Variants in TBC1D16 observed in about 807,000 individuals in gnomAD.
TBC1D16 encodes CTD-2529O21.1.
Under a neutral mutation model 74.7 loss-of-function variants are expected in TBC1D16, and 58 were observed. The ratio of observed to expected loss-of-function variants is 0.78; its 90% CI spans 0.63 to 0.97. The LOEUF (loss-of-function observed/expected upper bound fraction) is 0.97, where lower values mean the gene tolerates loss of function less well. TBC1D16 is among the 50% of genes least tolerant of loss of function. The pLI is 0.00. For synonymous variants in TBC1D16, 493 were observed against 474.7 expected, an observed-to-expected ratio of 1.04 and a Z score of -0.50; for missense variants, 1,014 against 1,079.5, an observed-to-expected ratio of 0.94 and a Z score of 0.85.
rs187929798 is a variant in TBC1D16 at position 80,002,377 on chromosome 17, G to A, written c.779+7783C>T. On this transcript the variant is annotated intron_variant, in intron 3 of 11. Coordinates refer to ENST00000310924, the MANE Select transcript of TBC1D16 (RefSeq NM_019020.4). ...TAAAGGCAGAAAGCACTTAGATGCC[G>A]TTTATTACTGCCTCGCACGCCCTGC... Among the ~76,000 whole-genome samples the A allele has an allele frequency of 3.4e-3, 524 of 152,366 alleles. 5 individuals carry two copies. Among genetic ancestry groups the A allele is most frequent in the African/African-American group, 0.012 (503 of 41,590 alleles).
Position 79,986,358 on chromosome 17 carries a change from C to T in TBC1D16, c.779+23802G>A, listed in dbSNP as rs539926362. ...AGGTGATCTCTGAGCACCTCTTAGA[C>T]AGAAGTCTGGGCAGACGCAAATGTG... is the stretch of plus-strand genomic sequence containing the variant. On this transcript the variant is annotated intron_variant, in intron 3 of 11. Coordinates refer to ENST00000310924, the MANE Select transcript of TBC1D16 (RefSeq NM_019020.4). The surrounding 1 kb of genome is among the most constrained non-coding windows in gnomAD (Gnocchi z 6.0). Among the ~76,000 whole-genome samples, 7 of 152,324 alleles carry T rather than the reference C, an allele frequency of 4.6e-5. No individual in the cohort carries two copies. In the South Asian group the frequency reaches 1.5e-3, roughly 32 times the overall value.
chr17:80,021,176 C>A (rs956113641), intron 1 of TBC1D16, among the ~76,000 whole-genome samples: 1 of 149,096 alleles, frequency 6.7e-6, no homozygotes, highest in Non-Finnish European at 1.5e-5. Flanking sequence ...CGCTTGAACT[C>A]AGGTGGTGGA....
At chr17:79,949,363 G>T (rs550833435) in intron 7 of TBC1D16, among the ~76,000 whole-genome samples, 1 of 152,326 alleles carries the variant, frequency 6.6e-6, no homozygotes, top group African/African-American at 2.4e-5. Context: ...CCCAGTCCCG[G>T]GTTAGCAGAT....
chr17:79,982,718 G>C (rs1334780505), intron 3 of TBC1D16, among the ~76,000 whole-genome samples: 2 of 151,718 alleles, frequency 1.3e-5, no homozygotes, highest in Non-Finnish European at 2.9e-5. Context: ...AATTAGCCGG[G>C]TGTAACGGCC....
intron 3 of TBC1D16, among the ~76,000 whole-genome samples, chr17:79,970,659 C>G (rs1568599006): frequency 6.6e-6 from 1 of 152,026 alleles, no homozygotes; most frequent in Non-Finnish European, 1.5e-5. Context: ...ATGGGGTGCT[C>G]TAAGGGAATG....
In TBC1D16 at chr17:79,981,863, C is replaced by A. The variant is rs923831263; in HGVS notation, c.779+28297G>T. Among the ~76,000 whole-genome samples, 1 of 152,256 alleles carries A rather than the reference C, an allele frequency of 6.6e-6. No individual in the cohort carries two copies. Among genetic ancestry groups the A allele is most frequent in the Non-Finnish European group, 1.5e-5 (1 of 68,046 alleles). On this transcript the variant is annotated intron_variant, in intron 3 of 11. Transcript: ENST00000310924. This position sits in a 1 kb window ranked among gnomAD's most constrained non-coding sequence, Gnocchi z 6.9. Reference sequence around the variant, plus strand: ...AACCTCAATCCCACTCCTCCAAGGGCGCGCCAGGGAACAGCAGGACGCGGC... The same window carrying A: ...AACCTCAATCCCACTCCTCCAAGGGAGCGCCAGGGAACAGCAGGACGCGGC...
In TBC1D16 at chr17:79,941,011, C is replaced by G; in HGVS notation, c.2152G>C (p.Gly718Arg). 1 of 1,608,144 alleles carries G rather than the reference C, an allele frequency of 6.2e-7. No homozygotes were observed. Among genetic ancestry groups the G allele is most frequent in the Non-Finnish European group, 8.5e-7 (1 of 1,178,096 alleles). Residue 718 changes from glycine to arginine, a missense_variant, in exon 12 of 12, where the codon GGC (glycine) becomes CGC (arginine). Physicochemically the swap from Gly to Arg is moderately radical, Grantham distance 125 (BLOSUM62 -2). Coordinates refer to ENST00000310924, the MANE Select transcript of TBC1D16 (RefSeq NM_019020.4). This position sits in a 1 kb window ranked among gnomAD's most constrained non-coding sequence, Gnocchi z 4.3. ...GTGCACTCCACCGCGGGCATGGAGCCGCTGTCCCACATGCCTGACCCGCAC... is the reference window on the plus strand; with the variant it reads ...GTGCACTCCACCGCGGGCATGGAGCGGCTGTCCCACATGCCTGACCCGCAC... ...KLCGSGMWDS[G>R]SMPAVECTGH...
At position 80,025,829 on chromosome 17, in the gene TBC1D16, G is replaced by A. The variant is rs1201062331; in HGVS notation, c.-63+9966C>T. ...CACACAGCAGGAACAGAGGTACAGA[G>A]AATGGCGTCCAGGCCTCCTTAAGGA... On this transcript the variant is annotated intron_variant, in intron 1 of 11. Coordinates refer to ENST00000310924, the MANE Select transcript of TBC1D16 (RefSeq NM_019020.4). 3 of 149,872 alleles carry A rather than the reference G, an allele frequency of 2.0e-5. 1 individual carries two copies. Among genetic ancestry groups the A allele is most frequent in the African/African-American group, 7.7e-5 (3 of 39,162 alleles). 9.3% of individuals were successfully genotyped at this position (149,872 alleles called of 1,614,324 possible).
rs546582882 is a variant in TBC1D16 at position 80,008,021 on chromosome 17, TAA to T, written c.779+2137_779+2138del. Among the ~76,000 whole-genome samples the T allele has an allele frequency of 3.6e-4, 46 of 127,864 alleles. No individual in the cohort carries two copies. Among genetic ancestry groups the T allele is most frequent in the Admixed American group, 7.9e-4 (10 of 12,682 alleles). 83.9% of individuals were successfully genotyped at this position (127,864 alleles called of 152,430 possible). On this transcript the variant is annotated intron_variant, in intron 3 of 11. Coordinates refer to ENST00000310924, the MANE Select transcript of TBC1D16 (RefSeq NM_019020.4). This position sits in a 1 kb window ranked among gnomAD's most constrained non-coding sequence, Gnocchi z 4.5. ...AATACATCCCCACCCTCAGTTGTGA[TAA>T]AAAAAAAAAAAAAGTGTCTCCTGGC...
At chr17:79,943,797 G>A (rs549967230) in intron 10 of TBC1D16, 335 of 1,269,626 alleles carry the variant, frequency 2.6e-4, no homozygotes, top group Middle Eastern at 9.8e-4. Flanking sequence ...GCCGGGCCAC[G>A]CGCTGAGTTC....
chr17:80,025,631 C>A (rs9916571), intron 1 of TBC1D16, among the ~76,000 whole-genome samples: 21,519 of 142,034 alleles, frequency 0.15, 2,233 homozygotes, highest in African/African-American at 0.23. Flanking sequence ...CCAGGAGCCC[C>A]CCACCCCCAC....
chr17:80,004,678 C>T (rs915054259), intron 3 of TBC1D16, among the ~76,000 whole-genome samples: 2 of 152,144 alleles, frequency 1.3e-5, no homozygotes, highest in African/African-American at 2.4e-5. Flanking sequence ...TGTCTTTCTA[C>T]TTTTATTTTC....
At chr17:79,946,257 C>T (rs1267412105) in intron 9 of TBC1D16, among the ~76,000 whole-genome samples, 1 of 152,266 alleles carries the variant, frequency 6.6e-6, no homozygotes, top group Non-Finnish European at 1.5e-5. Context: ...CCCCTCACAT[C>T]ATCAGGCATT....
chr17:79,999,425 C>A (rs1220620247), intron 3 of TBC1D16, among the ~76,000 whole-genome samples: 1 of 150,862 alleles, frequency 6.6e-6, no homozygotes, highest in Non-Finnish European at 1.5e-5. Flanking sequence ...TAGACAATTA[C>A]AATTCCCAAC....
chr17:79,980,112 G>A lies in TBC1D16; in HGVS notation c.780-27294C>T, dbSNP rs551816936. Among the ~76,000 whole-genome samples, 46 of 152,282 alleles carry A rather than the reference G, an allele frequency of 3.0e-4. No homozygotes were observed. The highest frequency in any genetic ancestry group is 7.8e-4 in the Admixed American group (12 of 15,300). On this transcript the variant is annotated intron_variant, in intron 3 of 11. Transcript: ENST00000310924. The surrounding 1 kb of genome is among the most constrained non-coding windows in gnomAD (Gnocchi z 7.0). ...CATCTGGGCCTCCGAGCCTCCCAGCGCATCCCACTGCTCTGCAGAAACAGA... is the reference window on the plus strand; with the variant it reads ...CATCTGGGCCTCCGAGCCTCCCAGCACATCCCACTGCTCTGCAGAAACAGA...
rs35502414 is a variant in TBC1D16, at chr17:80,034,388, T to TGG, written c.-63+1405_-63+1406dup. Among the ~76,000 whole-genome samples, 73 of 151,684 alleles carry TGG rather than the reference T, an allele frequency of 4.8e-4. No individual in the cohort carries two copies. The South Asian group carries it at 8.6e-3, about 18-fold the overall frequency. Reference sequence around the variant, plus strand: ...CTAATTTTTGTATTTTTAGTAGATATGGGGGGTTTCACCATATTGGCCAGG... The same window carrying TGG: ...CTAATTTTTGTATTTTTAGTAGATATGGGGGGGGTTTCACCATATTGGCCAGG... On this transcript the variant is annotated intron_variant, in intron 1 of 11. Transcript: ENST00000310924.
In TBC1D16 at chr17:79,947,684, G is replaced by A. The variant is rs547144215; in HGVS notation, c.1689C>T (p.Phe563=). 59 of 1,614,126 alleles carry A rather than the reference G, an allele frequency of 3.7e-5. No individual in the cohort carries two copies. Among genetic ancestry groups the A allele is most frequent in the East Asian group, 6.7e-5 (3 of 44,886 alleles). ...TGTCCTCGTCCCGGGGTGAGCTGACGAAGATCGTGTTCTGCATCAAACCCA... is the reference window on the plus strand; with the variant it reads ...TGTCCTCGTCCCGGGGTGAGCTGACAAAGATCGTGTTCTGCATCAAACCCA... The part of the protein sequence containing the change: ...CFVGLMQNTI[F]VSSPRDEDME... Residue 563 remains phenylalanine, a synonymous_variant, in exon 9 of 12, where the codon TTC becomes TTT. Transcript: ENST00000310924.
rs896102718 is a variant in TBC1D16, at chr17:80,000,358, G to T, written c.779+9802C>A. ...CTAATGACTGGCATCCGTATGAGAAGAAGAGAGGGCACACAAAGGGACACA... is the reference window on the plus strand; with the variant it reads ...CTAATGACTGGCATCCGTATGAGAATAAGAGAGGGCACACAAAGGGACACA... On this transcript the variant is annotated intron_variant, in intron 3 of 11. Transcript: ENST00000310924. The surrounding 1 kb of genome is among the most constrained non-coding windows in gnomAD (Gnocchi z 4.1). 6.6e-6 allele frequency among the ~76,000 whole-genome samples: 1 copy of T among 152,178 alleles called. No homozygotes were observed. The highest frequency in any genetic ancestry group is 1.5e-5 in the Non-Finnish European group (1 of 68,034).
intron 1 of TBC1D16, among the ~76,000 whole-genome samples, chr17:80,017,430 T>C (rs1598432633): frequency 1.3e-5 from 2 of 151,980 alleles, no homozygotes; most frequent in East Asian, 3.9e-4. Flanking sequence ...GCCTGTAATC[T>C]TGGTACTTTG....
Sources: allele counts gnomAD v4.1 joint callset (sites outside exome capture counted in the v4.1 genomes callset), GRCh38; gene constraint gnomAD v4.1.1; non-coding constraint Gnocchi (gnomAD v3.1); transcripts MANE v1.5; gene names NCBI Gene and HGNC (gene_info 2026-07-23, HGNC 2026-07-21).